The following STK39 variants were observed in gnomAD, a reference collection of about 807,000 sequenced individuals.
The protein encoded by STK39 is STE20/SPS1-related proline-alanine-rich protein kinase.
STK39 carries 20 observed loss-of-function variants against 77.8 expected under a neutral mutation model. The ratio of observed to expected loss-of-function variants is 0.26; its 90% CI spans 0.18 to 0.37. STK39 has a LOEUF of 0.37. STK39 is among the 10% of genes least tolerant of loss of function. STK39 has a pLI of 1.00. For missense variants in STK39, 479 were observed against 656.5 expected (o/e 0.73, Z 2.95); for synonymous variants, 246 against 234.1 (o/e 1.05, Z -0.47).
At chr2:168,195,200 T>C (rs1000609686) in intron 1 of STK39, among the ~76,000 whole-genome samples, 6 of 152,162 alleles carry the variant, frequency 3.9e-5, no homozygotes, top group East Asian at 3.9e-4. Context: ...TCAGAAGACA[T>C]AACCTGGGCA....
chr2:168,021,100 T>C (rs1463814745), intron 14 of STK39, among the ~76,000 whole-genome samples: 4 of 152,180 alleles, frequency 2.6e-5, no homozygotes, highest in African/African-American at 4.8e-5. Context: ...GGACATTAAT[T>C]TGTGTCATTG....
intron 10 of STK39, among the ~76,000 whole-genome samples, chr2:168,081,976 T>C (rs1264764796): frequency 6.6e-6 from 1 of 152,204 alleles, no homozygotes; most frequent in Non-Finnish European, 1.5e-5. Flanking sequence ...CTATTTCTTT[T>C]GTAAATTGCC....
At chr2:167,986,002 G>T (rs542506648) in intron 16 of STK39, among the ~76,000 whole-genome samples, 1 of 152,298 alleles carries the variant, frequency 6.6e-6, no homozygotes, top group East Asian at 1.9e-4. Flanking sequence ...AGTGTCCACA[G>T]TCACAGTTTT....
chr2:168,129,779 T>TA, intron 8 of STK39, 21 bp from the exon 9 acceptor site: 1 of 1,612,606 alleles, frequency 6.2e-7, no homozygotes, highest in South Asian at 1.1e-5. Flanking sequence ...AATAATAAAT[T>TA]AGAGTTGAAA....
chr2:168,227,251 C>A (rs1413878026), intron 1 of STK39, among the ~76,000 whole-genome samples: 1 of 152,176 alleles, frequency 6.6e-6, no homozygotes, highest in Non-Finnish European at 1.5e-5. Flanking sequence ...TACAGGCCAT[C>A]TCTGGGCAAT....
Position 168,247,531 on chromosome 2 carries a change from C to A in STK39, c.-96G>T. 1.2e-5 allele frequency: 9 copies of A among 733,950 alleles called. No homozygotes were observed. The highest frequency in any genetic ancestry group is 3.7e-5 in the South Asian group (1 of 27,300). The allele number at this position is 733,950 out of a possible 1,614,324, so 45.5% of individuals were successfully genotyped here. On this transcript the variant is annotated 5_prime_UTR_variant, in exon 1 of 18. Coordinates refer to ENST00000355999, the MANE Select transcript of STK39 (RefSeq NM_013233.3). ...CGCCGCCGACACCTCTCGGCCGGCG[C>A]ACGCCCTCCCCGCCCGCCGCCGCCG... is the stretch of plus-strand genomic sequence containing the variant.
chr2:168,128,488 A>C (rs1687600972), intron 10 of STK39, among the ~76,000 whole-genome samples: 1 of 152,090 alleles, frequency 6.6e-6, no homozygotes, highest in African/African-American at 2.4e-5. Context: ...CATATCTCCA[A>C]AGTCAACACA....
intron 14 of STK39, among the ~76,000 whole-genome samples, chr2:168,019,776 T>TCCTCTGCCTC (rs1012276541): frequency 2.0e-5 from 3 of 152,200 alleles, no homozygotes; most frequent in Non-Finnish European, 2.9e-5. Context: ...AGATCTTGGC[T>TCCTCTGCCTC]CACTGCAACC....
At chr2:167,986,392 T>C (rs767013278) in intron 16 of STK39, among the ~76,000 whole-genome samples, 8 of 152,202 alleles carry the variant, frequency 5.3e-5, no homozygotes, top group Non-Finnish European at 8.8e-5. Flanking sequence ...GTCCTTGCAA[T>C]GATATCACAA....
At chr2:168,179,961 A>G (rs1023485171) in intron 2 of STK39, among the ~76,000 whole-genome samples, 1 of 152,204 alleles carries the variant, frequency 6.6e-6, no homozygotes, top group Admixed American at 6.5e-5. Context: ...ACTGTCAGGC[A>G]CAAGTACACG....
At chr2:168,228,427 C>T (rs984323154) in intron 1 of STK39, among the ~76,000 whole-genome samples, 1 of 151,994 alleles carries the variant, frequency 6.6e-6, no homozygotes, top group African/African-American at 2.4e-5. Context: ...ACTTTTCCTC[C>T]TTTTCACTCA....
At position 168,053,594 on chromosome 2, in the gene STK39, G is replaced by A. The variant is rs533562440; in HGVS notation, c.1376+9906C>T. 9.2e-5 allele frequency among the ~76,000 whole-genome samples: 14 copies of A among 152,248 alleles called. No homozygotes were observed. In the South Asian group the frequency reaches 1.7e-3, roughly 18 times the overall value. ...CTCTATGCATTCTCTGTTGCTGAAA[G>A]TATTTGTACTCACAATGTCCTCTTG... On this transcript the variant is annotated intron_variant, in intron 14 of 17. Coordinates refer to ENST00000355999, the MANE Select transcript of STK39 (RefSeq NM_013233.3).
At chr2:168,144,133 T>C (rs1034579971) in intron 5 of STK39, among the ~76,000 whole-genome samples, 1 of 152,170 alleles carries the variant, frequency 6.6e-6, no homozygotes, top group African/African-American at 2.4e-5. Flanking sequence ...TATGGTTATC[T>C]GATTTGGAGA....
chr2:168,102,408 T>G (rs575542670), intron 10 of STK39, among the ~76,000 whole-genome samples: 45 of 152,284 alleles, frequency 3.0e-4, no homozygotes, highest in Non-Finnish European at 5.3e-4. Flanking sequence ...TTGCATGATC[T>G]TATGAGGTAA....
chr2:168,163,250 T>C (rs907576250), intron 4 of STK39, among the ~76,000 whole-genome samples: 1 of 152,202 alleles, frequency 6.6e-6, no homozygotes, highest in Non-Finnish European at 1.5e-5. Flanking sequence ...TGAGTACCTC[T>C]TCCTTCCCTC....
At chr2:168,127,699 GTTGTTT>G (rs1489750716) in intron 10 of STK39, among the ~76,000 whole-genome samples, 1 of 152,116 alleles carries the variant, frequency 6.6e-6, no homozygotes, top group Non-Finnish European at 1.5e-5. Flanking sequence ...TGCTCTTCTG[GTTGTTT>G]TTGTTTAATT....
intron 16 of STK39, among the ~76,000 whole-genome samples, chr2:167,966,243 A>T (rs1471490659): frequency 2.0e-5 from 3 of 152,196 alleles, no homozygotes; most frequent in Non-Finnish European, 4.4e-5. Flanking sequence ...CATATTTTAG[A>T]CACTAAAATC....
intron 1 of STK39, among the ~76,000 whole-genome samples, chr2:168,211,101 C>T (rs903812047): frequency 1.3e-5 from 2 of 152,084 alleles, no homozygotes; most frequent in Non-Finnish European, 2.9e-5. Context: ...TCCTCTAAAT[C>T]CAACTTTAAA....
chr2:168,064,058 C>A (rs956510100), intron 13 of STK39, among the ~76,000 whole-genome samples: 2 of 152,182 alleles, frequency 1.3e-5, no homozygotes, highest in Non-Finnish European at 2.9e-5. Flanking sequence ...CACAGCCTCT[C>A]CCTGTTCTCA....
Sources: allele counts gnomAD v4.1 joint callset (sites outside exome capture counted in the v4.1 genomes callset), GRCh38; gene constraint gnomAD v4.1.1; transcripts MANE v1.5; gene names NCBI Gene and HGNC (gene_info 2026-07-23, HGNC 2026-07-21).